The following ROBO2 variants were observed in gnomAD, a reference collection of about 807,000 sequenced individuals.
The protein encoded by ROBO2 is roundabout guidance receptor 2, also known as roundabout homolog 2.
A neutral mutation model predicts 160.8 loss-of-function variants in ROBO2; 53 were observed. The ratio of observed to expected loss-of-function variants is 0.33; its 90% CI spans 0.26 to 0.41. ROBO2 has a LOEUF of 0.41. Ranked by LOEUF, ROBO2 falls within the 10% of genes least tolerant of loss-of-function variation. The pLI is 1.00. For synonymous variants in ROBO2, 664 were observed against 611.7 expected (o/e 1.09, Z -1.26); for missense variants, 1,577 against 1,722.4 (o/e 0.92, Z 1.49).
intron 2 of ROBO2, among the ~76,000 whole-genome samples, chr3:76,513,146 A>G (rs2081185912): frequency 2.6e-5 from 4 of 152,172 alleles, no homozygotes; most frequent in Admixed American, 2.6e-4. Flanking sequence ...GGGGTAAATC[A>G]TAATTCCTTA....
chr3:77,011,087 TTTTCTTTCTA>T (rs1559841464), intron 2 of ROBO2, among the ~76,000 whole-genome samples: 1 of 71,302 alleles, frequency 1.4e-5, no homozygotes, highest in African/African-American at 4.4e-5. Flanking sequence ...CTTTCTTTCT[TTTTCTTTCTA>T]TCTTTCTTCT....
At chr3:76,834,090 C>CTTTCTTTCT (rs2067396313) in intron 2 of ROBO2, among the ~76,000 whole-genome samples, 1 of 113,210 alleles carries the variant, frequency 8.8e-6, no homozygotes, top group Admixed American at 9.8e-5. Flanking sequence ...TTCTTTCTTT[C>CTTTCTTTCT]TTTCTTTCTT....
intron 2 of ROBO2, among the ~76,000 whole-genome samples, chr3:76,674,349 C>A (rs2092348785): frequency 6.6e-6 from 1 of 152,064 alleles, no homozygotes; most frequent in Non-Finnish European, 1.5e-5. Flanking sequence ...AACATGGCAG[C>A]ATCCCCCAGG....
intron 2 of ROBO2, among the ~76,000 whole-genome samples, chr3:76,967,094 T>C (rs1470561451): frequency 6.6e-6 from 1 of 152,148 alleles, no homozygotes; most frequent in East Asian, 1.9e-4. Context: ...GGTGCTACTA[T>C]TGAACCTGTT....
chr3:77,382,415 CT>C (rs1336020791), intron 2 of ROBO2, among the ~76,000 whole-genome samples: 1 of 138,302 alleles, frequency 7.2e-6, no homozygotes, highest in Non-Finnish European at 1.6e-5. Flanking sequence ...TTTTCTTCTT[CT>C]TTTTTGTAAT....
chr3:76,620,491 T>C (rs367554846), intron 2 of ROBO2, among the ~76,000 whole-genome samples: 2 of 152,154 alleles, frequency 1.3e-5, no homozygotes, highest in African/African-American at 4.8e-5. Context: ...GTTGCTGTAT[T>C]TTACATGACT....
intron 2 of ROBO2, among the ~76,000 whole-genome samples, chr3:76,443,219 G>A (rs2077009686): frequency 6.6e-6 from 1 of 152,036 alleles, no homozygotes; most frequent in African/African-American, 2.4e-5. Context: ...ACAGCAACAA[G>A]CCATTCATGA....
intron 2 of ROBO2, among the ~76,000 whole-genome samples, chr3:77,220,073 C>T (rs926804052): frequency 6.6e-6 from 1 of 151,874 alleles, no homozygotes; most frequent in African/African-American, 2.4e-5. Flanking sequence ...TGCAGTGGTG[C>T]GATCTCAGCT....
At chr3:76,188,859 T>C (rs1292585273) in intron 2 of ROBO2, among the ~76,000 whole-genome samples, 1 of 152,036 alleles carries the variant, frequency 6.6e-6, no homozygotes, top group African/African-American at 2.4e-5. Context: ...TTATTTGCTA[T>C]AAACATGAAA....
intron 2 of ROBO2, among the ~76,000 whole-genome samples, chr3:77,357,795 GA>G (rs781662348): frequency 2.1e-4 from 32 of 152,108 alleles, no homozygotes; most frequent in Non-Finnish European, 4.0e-4. Flanking sequence ...GGGTTATTAG[GA>G]AATAAAGTAG....
intron 5 of ROBO2, among the ~76,000 whole-genome samples, chr3:77,512,057 A>G (rs984839485): frequency 1.3e-5 from 2 of 151,960 alleles, no homozygotes; most frequent in Non-Finnish European, 2.9e-5. Context: ...TAAAAAGAAA[A>G]GTGTGACCTG....
chr3:76,839,705 C>T (rs1382077088), intron 2 of ROBO2, among the ~76,000 whole-genome samples: 1 of 152,116 alleles, frequency 6.6e-6, no homozygotes, highest in African/African-American at 2.4e-5. Context: ...AACATTATTT[C>T]CTCTTCTATT....
At chr3:76,535,712 A>G (rs2082460425) in intron 2 of ROBO2, among the ~76,000 whole-genome samples, 1 of 152,138 alleles carries the variant, frequency 6.6e-6, no homozygotes, top group South Asian at 2.1e-4. Flanking sequence ...GGGAGTTTTA[A>G]GAAGTTTAGA....
chr3:77,485,734 G>A (rs1214178327), intron 4 of ROBO2, among the ~76,000 whole-genome samples: 3 of 151,912 alleles, frequency 2.0e-5, no homozygotes, highest in Admixed American at 6.6e-5. Flanking sequence ...GACTTCTCTT[G>A]TAGCAGAGAG....
chr3:77,159,119 C>T (rs1007721280), intron 2 of ROBO2, among the ~76,000 whole-genome samples: 1 of 152,046 alleles, frequency 6.6e-6, no homozygotes, highest in Non-Finnish European at 1.5e-5. Flanking sequence ...TTTAAAATCT[C>T]ATTGATAGAT....
At chr3:76,477,459 C>G (rs115004246) in intron 2 of ROBO2, among the ~76,000 whole-genome samples, 1,583 of 152,044 alleles carry the variant, frequency 0.01, 19 homozygotes, top group Middle Eastern at 0.034. Context: ...AAATAGCAAA[C>G]AAGTTTTACA....
At chr3:76,899,658 C>T (rs73102435) in intron 2 of ROBO2, among the ~76,000 whole-genome samples, 5,992 of 152,090 alleles carry the variant, frequency 0.039, 152 homozygotes, top group Non-Finnish European at 0.062. Flanking sequence ...TATTGAATAC[C>T]TCTTGAGTGT....
chr3:77,588,531 C>T (rs559868618), intron 16 of ROBO2, among the ~76,000 whole-genome samples: 26 of 152,060 alleles, frequency 1.7e-4, no homozygotes, highest in Non-Finnish European at 3.5e-4. Context: ...TAGCAAACCA[C>T]AACACAAGAG....
chr3:77,250,611 T>A (rs1257747187), intron 2 of ROBO2, among the ~76,000 whole-genome samples: 1 of 152,236 alleles, frequency 6.6e-6, no homozygotes, highest in Non-Finnish European at 1.5e-5. Context: ...TAGTCTCTTG[T>A]GTTTTGCTAA....
Sources: allele counts gnomAD v4.1 joint callset (sites outside exome capture counted in the v4.1 genomes callset), GRCh38; gene constraint gnomAD v4.1.1; transcripts MANE v1.5; gene names NCBI Gene and HGNC (gene_info 2026-07-23, HGNC 2026-07-21).